The following ZKSCAN1 variants were observed in gnomAD, a reference collection of about 807,000 sequenced individuals.
ZKSCAN1 encodes the protein zinc finger with KRAB and SCAN domains 1, also known as zinc finger protein with KRAB and SCAN domains 1.
A neutral mutation model predicts 51.6 loss-of-function variants in ZKSCAN1; 14 were observed. The observed-to-expected ratio is 0.27, with a 90% CI of 0.18 to 0.42. The LOEUF (loss-of-function observed/expected upper bound fraction) is 0.42. ZKSCAN1 is among the 10% of genes least tolerant of loss of function. The probability of loss-of-function intolerance (pLI) is 1.00; values close to 1 mark genes in which losing one functional copy is unlikely to be tolerated. For missense variants in ZKSCAN1, 531 were observed against 710.0 expected (o/e 0.75, Z 2.86); for synonymous variants, 263 against 261.5 (o/e 1.01, Z -0.06).
At chr7:100,023,168 G>T (rs1487285387) in intron 1 of ZKSCAN1, among the ~76,000 whole-genome samples, 1 of 152,036 alleles carries the variant, frequency 6.6e-6, no homozygotes, top group Non-Finnish European at 1.5e-5. Context: ...CTGCCACCAT[G>T]CCCTGCTGAC....
chr7:100,023,405 T>G lies in ZKSCAN1; in HGVS notation c.-88-14T>G. 7.3e-7 allele frequency: 1 copy of G among 1,371,192 alleles called. No homozygotes were observed. The highest frequency in any genetic ancestry group is 9.9e-7 in the Non-Finnish European group (1 of 1,009,500). 84.9% of individuals were successfully genotyped at this position (1,371,192 alleles called of 1,614,324 possible). A position where few individuals can be genotyped will look rare whatever the true frequency, so the allele number is the denominator to read the frequency against. The stretch of plus-strand genomic sequence containing the variant: ...GTAAAGGTACGTACTAATGACTTTT[T>G]TTTTATACTTCAGGAATAGTAAAGA... On this transcript the variant is annotated splice_polypyrimidine_tract_variant and intron_variant, in intron 1 of 5. Coordinates refer to ENST00000324306, the MANE Select transcript of ZKSCAN1 (RefSeq NM_003439.4).
At position 100,038,753 on chromosome 7, in the gene ZKSCAN1, T is replaced by C. The variant is rs546877199; in HGVS notation, c.*4556T>C. On this transcript the variant is annotated 3_prime_UTR_variant, in exon 6 of 6. Coordinates refer to ENST00000324306, the MANE Select transcript of ZKSCAN1 (RefSeq NM_003439.4). ...GCTCAGGCCTGTAATCCCAGCACTT[T>C]GGGAGACCAAGGCGGGTGGATCACA... is the stretch of plus-strand genomic sequence containing the variant. 6.6e-5 allele frequency: 65 copies of C among 984,440 alleles called. No homozygotes were observed. Among genetic ancestry groups the C allele is most frequent in the Admixed American group, 1.2e-4 (2 of 16,266 alleles). The allele number at this position is 984,440 out of a possible 1,614,324, so 61.0% of individuals were successfully genotyped here. A position where few individuals can be genotyped will look rare whatever the true frequency, so the allele number is the denominator to read the frequency against.
At position 100,033,481 on chromosome 7, in the gene ZKSCAN1, G is replaced by C; in HGVS notation, c.976G>C (p.Glu326Gln). ...AAACCCTGAGGAGAAAACCAGGAAA[G>C]AGAAAAGAGATTCAGGGCCAGCTAT... is the stretch of plus-strand genomic sequence containing the variant. ...QKNPEEKTRK[E>Q]KRDSGPAIGK... Residue 326 changes from glutamate (E) to glutamine (Q), a missense_variant, in exon 6 of 6, where the codon GAG (glutamate) becomes CAG (glutamine). Glu to Gln is a conservative substitution (Grantham distance 29, BLOSUM62 2). This residue lies in a region of ZKSCAN1 where 403 missense variants were observed against 490.5 expected (regional missense o/e 0.82). Coordinates refer to ENST00000324306, the MANE Select transcript of ZKSCAN1 (RefSeq NM_003439.4). The surrounding 1 kb of genome is among the most constrained non-coding windows in gnomAD (Gnocchi z 4.1). The C allele has an allele frequency of 6.2e-7, 1 of 1,614,012 alleles. No homozygotes were observed. Among genetic ancestry groups the C allele is most frequent in the Non-Finnish European group, 8.5e-7 (1 of 1,179,964 alleles).
Position 100,041,591 on chromosome 7 carries a change from G to A in ZKSCAN1, c.*7394G>A, listed in dbSNP as rs1355474960. ...CTGATAAAGAAATGTTAAGAGTAGT[G>A]AGGTTGAGGAAGGAAATTGTGGGGA... On this transcript the variant is annotated 3_prime_UTR_variant, in exon 6 of 6. Coordinates refer to ENST00000324306, the MANE Select transcript of ZKSCAN1 (RefSeq NM_003439.4). 4 of 985,428 alleles carry A rather than the reference G, an allele frequency of 4.1e-6. No individual in the cohort carries two copies. Among genetic ancestry groups the A allele is most frequent in the Non-Finnish European group, 4.8e-6 (4 of 829,924 alleles). 61.0% of individuals were successfully genotyped at this position (985,428 alleles called of 1,614,324 possible).
rs932498064 is a variant in ZKSCAN1 at position 100,040,180 on chromosome 7, A to G, written c.*5983A>G. On this transcript the variant is annotated 3_prime_UTR_variant, in exon 6 of 6. Coordinates refer to ENST00000324306, the MANE Select transcript of ZKSCAN1 (RefSeq NM_003439.4). ...TTGGGAAATACTTTTGACATCCCAC[A>G]ATACAGAATGTCTTAACATGAGAAT... is the stretch of plus-strand genomic sequence containing the variant. 1.0e-5 allele frequency: 10 copies of G among 985,324 alleles called. No individual in the cohort carries two copies. Among genetic ancestry groups the G allele is most frequent in the South Asian group, 4.7e-5 (1 of 21,290 alleles). 61.0% of individuals were successfully genotyped at this position (985,324 alleles called of 1,614,324 possible). A position where few individuals can be genotyped will look rare whatever the true frequency, so the allele number is the denominator to read the frequency against.
rs953433458 is a variant in ZKSCAN1 at position 100,040,402 on chromosome 7, A to G, written c.*6205A>G. The G allele has an allele frequency of 2.1e-5, 21 of 985,340 alleles. 1 individual carries two copies. In the Admixed American group the frequency reaches 9.8e-4, roughly 46 times the overall value. The allele number at this position is 985,340 out of a possible 1,614,324, so 61.0% of individuals were successfully genotyped here. A position where few individuals can be genotyped will look rare whatever the true frequency, so the allele number is the denominator to read the frequency against. On this transcript the variant is annotated 3_prime_UTR_variant, in exon 6 of 6. Transcript: ENST00000324306. The stretch of plus-strand genomic sequence containing the variant: ...TAATTCAAATTGCACAGTAATCAGT[A>G]AAGTGAATACGTTTTTAAAATGGAA...
intron 5 of ZKSCAN1, among the ~76,000 whole-genome samples, chr7:100,032,951 T>G (rs1436425350): frequency 6.7e-6 from 1 of 149,764 alleles, no homozygotes; most frequent in African/African-American, 2.5e-5. Flanking sequence ...GAGCTTGCAG[T>G]GAGCCGAGAT....
At chr7:100,044,680 C>CAAA (rs59706759), downstream of ZKSCAN1, 110 of 414,862 alleles carry the variant, frequency 2.7e-4, no homozygotes, top group African/African-American at 2.2e-3. Context: ...GACTCTATCT[C>CAAA]AAAAAAAAAA....
At chr7:100,015,961 G>A (rs555028775) in intron 1 of ZKSCAN1, among the ~76,000 whole-genome samples, 1 of 152,352 alleles carries the variant, frequency 6.6e-6, no homozygotes, top group African/African-American at 2.4e-5. Context: ...GGGTTTCAGT[G>A]GCTGAGGGTG....
At chr7:100,017,010 G>A (rs1790395989) in intron 1 of ZKSCAN1, 2 of 152,060 alleles carry the variant, frequency 1.3e-5, no homozygotes, top group Non-Finnish European at 2.9e-5. Context: ...AAATACAAAC[G>A]AGGAAGCTAG....
rs1306683912 is a variant in ZKSCAN1, at chr7:100,036,240, T to C, written c.*2043T>C. On this transcript the variant is annotated 3_prime_UTR_variant, in exon 6 of 6. Transcript: ENST00000324306. ...ATTACTTGGGAAAACGTGTTGCAAG[T>C]CAACCAGTCACTAGGATATTTCTAC... The C allele has an allele frequency of 2.0e-6, 2 of 985,242 alleles. No homozygotes were observed. The highest frequency in any genetic ancestry group is 3.5e-5 in the African/African-American group (2 of 57,218). 61.0% of individuals were successfully genotyped at this position (985,242 alleles called of 1,614,324 possible).
chr7:100,015,677 T>G lies in ZKSCAN1; in HGVS notation c.-138T>G, dbSNP rs1165683241. On this transcript the variant is annotated 5_prime_UTR_variant, in exon 1 of 6. Coordinates refer to ENST00000324306, the MANE Select transcript of ZKSCAN1 (RefSeq NM_003439.4). The stretch of plus-strand genomic sequence containing the variant: ...CCTTCGGCCGGCCTGAGCCCCAGAG[T>G]CAGCTCCCCTTTCTCGCCCAGCGCC... 6.6e-6 allele frequency: 1 copy of G among 151,572 alleles called. No individual in the cohort carries two copies. Among genetic ancestry groups the G allele is most frequent in the Non-Finnish European group, 1.5e-5 (1 of 67,916 alleles). 9.4% of individuals were successfully genotyped at this position (151,572 alleles called of 1,614,324 possible).
chr7:100,042,828 C>G (rs372111430), downstream of ZKSCAN1, among the ~76,000 whole-genome samples: 109 of 141,934 alleles, frequency 7.7e-4, no homozygotes, highest in East Asian at 0.021. Context: ...GACGGAGTCT[C>G]GCTCTGTCTC....
At chr7:100,023,153 G>A (rs977012738) in intron 1 of ZKSCAN1, among the ~76,000 whole-genome samples, 2 of 152,094 alleles carry the variant, frequency 1.3e-5, no homozygotes, top group East Asian at 1.9e-4. Flanking sequence ...TGGGATTACA[G>A]GCGCCTGCCA....
chr7:100,038,352 G>C lies in ZKSCAN1; in HGVS notation c.*4155G>C, dbSNP rs1791451696. 1 of 985,342 alleles carries C rather than the reference G, an allele frequency of 1.0e-6. No homozygotes were observed. Among genetic ancestry groups the C allele is most frequent in the Non-Finnish European group, 1.2e-6 (1 of 829,924 alleles). The allele number at this position is 985,342 out of a possible 1,614,324, so 61.0% of individuals were successfully genotyped here. On this transcript the variant is annotated 3_prime_UTR_variant, in exon 6 of 6. Transcript: ENST00000324306. ...ATTGTAGACAAAAAGTCGGTTCACA[G>C]AACGGAGCAGCGGGGAGAGGAAGGG...
At chr7:100,032,772 G>T (rs904210952) in intron 5 of ZKSCAN1, among the ~76,000 whole-genome samples, 1 of 152,070 alleles carries the variant, frequency 6.6e-6, no homozygotes, top group African/African-American at 2.4e-5. Flanking sequence ...ACTTTGGGAG[G>T]CCGAGGCGGG....
chr7:100,021,345 C>T (rs1021639696), intron 1 of ZKSCAN1, among the ~76,000 whole-genome samples: 2 of 151,982 alleles, frequency 1.3e-5, no homozygotes, highest in African/African-American at 4.8e-5. Flanking sequence ...TGGTCTTGAA[C>T]TCCTGACCGC....
chr7:100,032,595 T>A (rs1320864874), intron 5 of ZKSCAN1, among the ~76,000 whole-genome samples: 1 of 152,248 alleles, frequency 6.6e-6, no homozygotes, highest in Non-Finnish European at 1.5e-5. Flanking sequence ...GTGCAGTGGC[T>A]CATGCCTGTA....
At position 100,024,314 on chromosome 7, in the gene ZKSCAN1, A is replaced by T; in HGVS notation, c.580+7A>T. 6.2e-7 allele frequency: 1 copy of T among 1,613,882 alleles called. No individual in the cohort carries two copies. On this transcript the variant is annotated splice_region_variant and intron_variant, in intron 3 of 5. Transcript: ENST00000324306. ...CGCCTCTTACAGTCACGAGGTAAGAAGCAAGGTTTCATTTAGGGGAAGGGA... is the reference window on the plus strand; with the variant it reads ...CGCCTCTTACAGTCACGAGGTAAGATGCAAGGTTTCATTTAGGGGAAGGGA...
Sources: allele counts gnomAD v4.1 joint callset (sites outside exome capture counted in the v4.1 genomes callset), GRCh38; gene constraint gnomAD v4.1.1; regional missense constraint gnomAD v4.1.1; non-coding constraint Gnocchi (gnomAD v3.1); transcripts MANE v1.5; gene names NCBI Gene and HGNC (gene_info 2026-07-23, HGNC 2026-07-21).